The following RRM2B variants were observed in gnomAD, a reference collection of about 807,000 sequenced individuals.
The protein encoded by RRM2B is ribonucleotide reductase regulatory TP53 inducible subunit M2B, also known as ribonucleoside-diphosphate reductase subunit M2 B.
Under a neutral mutation model 45.9 loss-of-function variants are expected in RRM2B, and 20 were observed. That is an observed-to-expected ratio of 0.44 (90% confidence interval 0.31 to 0.63). The LOEUF is 0.63. Ranked by LOEUF, RRM2B falls within the 30% of genes least tolerant of loss-of-function variation. RRM2B has a pLI of 0.09. For missense variants in RRM2B, 320 were observed against 414.7 expected, an observed-to-expected ratio of 0.77 and a Z score of 1.98; for synonymous variants, 124 against 132.3, an observed-to-expected ratio of 0.94 and a Z score of 0.43.
In RRM2B at chr8:102,207,668, T is replaced by C. The variant is rs1356164926; in HGVS notation, c.*465A>G. On this transcript the variant is annotated 3_prime_UTR_variant, in exon 9 of 9. Coordinates refer to ENST00000251810, the MANE Select transcript of RRM2B (RefSeq NM_015713.5). ...TTTATTACAACATCATTGCAATTAA[T>C]ATTATCAATGAATGATAATTAGTAG... The C allele has an allele frequency of 6.5e-6, 1 of 154,520 alleles. No individual in the cohort carries two copies. Among genetic ancestry groups the C allele is most frequent in the Non-Finnish European group, 1.4e-5 (1 of 69,480 alleles). 9.6% of individuals were successfully genotyped at this position (154,520 alleles called of 1,614,324 possible).
chr8:102,232,931 C>T (rs1811057139), intron 1 of RRM2B, among the ~76,000 whole-genome samples: 1 of 152,204 alleles, frequency 6.6e-6, no homozygotes, highest in South Asian at 2.1e-4. Context: ...TGTCTCAAAG[C>T]TTTGTGAATA....
At position 102,214,284 on chromosome 8, in the gene RRM2B, G is replaced by T. The variant is rs954488709; in HGVS notation, c.685-126C>A. 13 of 703,826 alleles carry T rather than the reference G, an allele frequency of 1.8e-5. No individual in the cohort carries two copies. In the Admixed American group the frequency reaches 2.7e-4, roughly 14 times the overall value. 43.6% of individuals were successfully genotyped at this position (703,826 alleles called of 1,614,324 possible). A position where few individuals can be genotyped will look rare whatever the true frequency, so the allele number is the denominator to read the frequency against. On this transcript the variant is annotated intron_variant, in intron 6 of 8. Coordinates refer to ENST00000251810, the MANE Select transcript of RRM2B (RefSeq NM_015713.5). Reference sequence around the variant, plus strand: ...ACAGAACTTCTGGAAAATGGAAGAGGGGTTAATAGGACTAGGAACTTCCTT... The same window carrying T: ...ACAGAACTTCTGGAAAATGGAAGAGTGGTTAATAGGACTAGGAACTTCCTT...
At position 102,207,912 on chromosome 8, in the gene RRM2B, C is replaced by T; in HGVS notation, c.*221G>A. 4.1e-6 allele frequency: 2 copies of T among 491,344 alleles called. No individual in the cohort carries two copies. Among genetic ancestry groups the T allele is most frequent in the South Asian group, 4.5e-5 (2 of 44,824 alleles). 30.4% of individuals were successfully genotyped at this position (491,344 alleles called of 1,614,324 possible). ...GCCCCATGCTCTTAACCACATAATG[C>T]CATCTTTTATTTCAGTGACAAGACA... On this transcript the variant is annotated 3_prime_UTR_variant, in exon 9 of 9. Transcript: ENST00000251810.
intron 2 of RRM2B, among the ~76,000 whole-genome samples, chr8:102,228,049 T>C (rs1810964207): frequency 1.3e-5 from 2 of 152,092 alleles, no homozygotes; most frequent in African/African-American, 2.4e-5. Flanking sequence ...CAAAGTGACA[T>C]GTATTCCTGT....
At position 102,225,904 on chromosome 8, in the gene RRM2B, A is replaced by T; in HGVS notation, c.321+14T>A. 1 of 1,439,504 alleles carries T rather than the reference A, an allele frequency of 6.9e-7. No homozygotes were observed. Among genetic ancestry groups the T allele is most frequent in the Non-Finnish European group, 9.8e-7 (1 of 1,021,504 alleles). The allele number at this position is 1,439,504 out of a possible 1,614,324, so 89.2% of individuals were successfully genotyped here. A position where few individuals can be genotyped will look rare whatever the true frequency, so the allele number is the denominator to read the frequency against. ...CTAAAGGAGAACAAAAGTTAAATCA[A>T]GCAAAAATCTTACCAAATTTTCATT... On this transcript the variant is annotated intron_variant, in intron 3 of 8. Transcript: ENST00000251810.
At chr8:102,220,201 T>C (rs1203333945) in intron 5 of RRM2B, among the ~76,000 whole-genome samples, 1 of 152,190 alleles carries the variant, frequency 6.6e-6, no homozygotes, top group Non-Finnish European at 1.5e-5. Flanking sequence ...ATCACACCAC[T>C]GCACTCCAGC....
chr8:102,237,515 T>A (rs1811141820), intron 1 of RRM2B, among the ~76,000 whole-genome samples: 1 of 152,244 alleles, frequency 6.6e-6, no homozygotes, highest in South Asian at 2.1e-4. Flanking sequence ...TCTCCTATTA[T>A]GCACTCTGGC....
At chr8:102,226,178 TA>T (rs534081904) in intron 2 of RRM2B, 144 bp from the exon 3 acceptor site, 1,490 of 553,614 alleles carry the variant, frequency 2.7e-3, no homozygotes, top group Non-Finnish European at 3.0e-3. Flanking sequence ...TGCAAAGAAA[TA>T]AAAAAAAAAG....
intron 5 of RRM2B, among the ~76,000 whole-genome samples, chr8:102,219,208 C>T (rs867954519): frequency 5.9e-5 from 9 of 152,316 alleles, no homozygotes; most frequent in Non-Finnish European, 8.8e-5. Flanking sequence ...ACCTTCCATA[C>T]TCAAAACAAG....
At chr8:102,210,738 C>T (rs1370964810) in intron 8 of RRM2B, among the ~76,000 whole-genome samples, 1 of 152,110 alleles carries the variant, frequency 6.6e-6, no homozygotes, top group Non-Finnish European at 1.5e-5. Context: ...TTTGGGATTA[C>T]AGGCATGAGC....
intron 6 of RRM2B, chr8:102,214,426 A>G (rs1457409291): frequency 2.5e-6 from 1 of 400,728 alleles, no homozygotes; most frequent in African/African-American, 2.1e-5. Flanking sequence ...AAAATCTGCA[A>G]ATAAAAGCAT....
intron 8 of RRM2B, among the ~76,000 whole-genome samples, chr8:102,212,064 A>G (rs952103475): frequency 1.3e-5 from 2 of 152,232 alleles, no homozygotes; most frequent in African/African-American, 4.8e-5. Context: ...TCACTTAAGT[A>G]CAAAGTGACC....
At chr8:102,213,016 T>C (rs1265297519) in intron 7 of RRM2B, 127 bp from the exon 8 acceptor site, 1 of 673,600 alleles carries the variant, frequency 1.5e-6, no homozygotes, top group African/African-American at 1.8e-5. Context: ...TTAGGATAAA[T>C]TCTTTCAATG....
intron 1 of RRM2B, among the ~76,000 whole-genome samples, chr8:102,233,847 C>T (rs1485222852): frequency 2.0e-5 from 3 of 152,064 alleles, no homozygotes; most frequent in Non-Finnish European, 2.9e-5. Context: ...GGTCTTGCTC[C>T]GTCACCCAGG....
chr8:102,235,505 A>G (rs1811104071), intron 1 of RRM2B, among the ~76,000 whole-genome samples: 1 of 152,250 alleles, frequency 6.6e-6, no homozygotes, highest in African/African-American at 2.4e-5. Context: ...ACAAAGTTAC[A>G]AACACAATAT....
At chr8:102,238,657 G>A (rs1811170775) in intron 1 of RRM2B, 170 bp downstream of exon 1, 1 of 1,536,486 alleles carries the variant, frequency 6.5e-7, no homozygotes, top group Non-Finnish European at 8.7e-7. Flanking sequence ...CGCCCTCCCC[G>A]GGGACGGCCT....
chr8:102,235,261 T>C (rs1269548149), intron 1 of RRM2B, among the ~76,000 whole-genome samples: 1 of 152,152 alleles, frequency 6.6e-6, no homozygotes, highest in African/African-American at 2.4e-5. Context: ...TATTCAGAAG[T>C]AGAATGAATT....
chr8:102,231,875 A>G (rs1811035439), intron 2 of RRM2B, among the ~76,000 whole-genome samples: 1 of 151,684 alleles, frequency 6.6e-6, no homozygotes, highest in Admixed American at 6.6e-5. Context: ...TCTCAAAAAA[A>G]AAAAAAAAAA....
rs993747062 is a variant in RRM2B, at chr8:102,207,422, C to A, written c.*711G>T. The A allele has an allele frequency of 1.3e-5, 2 of 152,142 alleles. No homozygotes were observed. Among genetic ancestry groups the A allele is most frequent in the Non-Finnish European group, 2.9e-5 (2 of 68,006 alleles). 9.4% of individuals were successfully genotyped at this position (152,142 alleles called of 1,614,324 possible). ...CTTATAAGGTCAACTACCATGATAA[C>A]CTCCTGGTTTCCACTCCATAAGTAG... On this transcript the variant is annotated 3_prime_UTR_variant, in exon 9 of 9. Transcript: ENST00000251810.
Sources: gnomAD v4.1 joint callset for allele counts (sites outside exome capture counted in the v4.1 genomes callset) on GRCh38, gnomAD v4.1.1 for gene constraint, MANE v1.5 for transcripts, NCBI Gene and HGNC (gene_info 2026-07-23, HGNC 2026-07-21) for gene names.